Variants in PLEC observed in about 807,000 individuals in gnomAD.
PLEC encodes plectin, also known as hemidesmosomal protein 1.
PLEC carries 216 observed loss-of-function variants against 392.8 expected under a neutral mutation model. The observed-to-expected ratio is 0.55, with a 90% CI of 0.49 to 0.62. The LOEUF (loss-of-function observed/expected upper bound fraction) is 0.62. PLEC is among the 20% of genes least tolerant of loss of function. The pLI, the probability that PLEC is intolerant of heterozygous loss-of-function variation, is 0.00. For missense variants in PLEC, 6,863 were observed against 6,563.4 expected, an observed-to-expected ratio of 1.05 and a Z score of -1.58; for synonymous variants, 3,621 against 2,980.6, an observed-to-expected ratio of 1.21 and a Z score of -7.00.
chr8:143,920,320 G>A lies in PLEC; in HGVS notation c.9501C>T (p.Thr3167=). 2 of 1,592,434 alleles carry A rather than the reference G, an allele frequency of 1.3e-6. No individual in the cohort carries two copies. Among genetic ancestry groups the A allele is most frequent in the Non-Finnish European group, 1.7e-6 (2 of 1,175,080 alleles). ...ACARGCLDEE[T]SRALSAPRAD... ...CCCTTGGTGCCGACAGGGCCCTGCT[G>A]GTCTCCTCATCCAGGCAGCCTCGGG... Residue 3167 remains threonine, a synonymous_variant, in exon 32 of 32, where the codon ACC becomes ACT. Transcript: ENST00000345136.
rs782126699 is a variant in PLEC at position 143,923,624 on chromosome 8, C to T, written c.6305G>A (p.Arg2102His). ...CTGCCGCCGGGACTGCGCCGCCTCA[C>T]GCTCCGCCTGCACCCGGGCCTCCTC... ...EAEEARVQAE[R>H]EAAQSRRQVE... Residue 2102 changes from arginine to histidine, a missense_variant, in exon 31 of 32, where the codon CGT becomes CAT. Arg to His is a conservative substitution (Grantham distance 29). Transcript: ENST00000345136. 114 of 1,588,566 alleles carry T rather than the reference C, an allele frequency of 7.2e-5. No homozygotes were observed. Among genetic ancestry groups the T allele is most frequent in the Non-Finnish European group, 8.9e-5 (105 of 1,174,920 alleles).
intron 1 of PLEC, chr8:143,946,226 T>G (rs1831448950): frequency 3.2e-6 from 2 of 626,266 alleles, no homozygotes; most frequent in Non-Finnish European, 4.9e-6. Flanking sequence ...GAGGGGGCTG[T>G]GCCTATCCCT....
chr8:143,972,832 G>A (rs1432395689), intron 1 of PLEC, among the ~76,000 whole-genome samples: 1 of 152,174 alleles, frequency 6.6e-6, no homozygotes, highest in Non-Finnish European at 1.5e-5. Context: ...AGGTGGGCAG[G>A]CCACTCTGAT....
intron 1 of PLEC, among the ~76,000 whole-genome samples, chr8:143,971,057 G>C (rs1390042898): frequency 2.6e-5 from 4 of 152,238 alleles, no homozygotes; most frequent in African/African-American, 9.6e-5. Context: ...GTTCCAAGCG[G>C]AGCAGTGGCC....
chr8:143,946,852 CCTT>C (rs566854523), intron 1 of PLEC, among the ~76,000 whole-genome samples: 16 of 151,646 alleles, frequency 1.1e-4, no homozygotes, highest in African/African-American at 3.6e-4. Context: ...ACACCCCACT[CCTT>C]GAGACTCACA....
rs565993927 is a variant in PLEC, at chr8:143,933,072, G to C, written c.1458C>G (p.Thr486=). The C allele has an allele frequency of 1.3e-6, 2 of 1,589,890 alleles. No individual in the cohort carries two copies. The highest frequency in any genetic ancestry group is 1.7e-6 in the Non-Finnish European group (2 of 1,170,124). Residue 486 remains threonine (T), a synonymous_variant, in exon 14 of 32, where the codon ACC becomes ACG. Coordinates refer to ENST00000345136, the MANE Select transcript of PLEC (RefSeq NM_201384.3). ...RLHERLVAIR[T]EYNLRLKAGV... is the part of the protein sequence containing the mutation. ...CTGCCTTCAGCCGTAGGTTGTACTC[G>C]GTGCGGATGGCTACCAGGCGCTCGT... is the stretch of plus-strand genomic sequence containing the variant.
chr8:143,922,308 G>A lies in PLEC; in HGVS notation c.7513C>T (p.Arg2505Trp), dbSNP rs782284017. The A allele has an allele frequency of 1.2e-5, 19 of 1,607,328 alleles. No homozygotes were observed. Among genetic ancestry groups the A allele is most frequent in the East Asian group, 2.2e-5 (1 of 44,884 alleles). Residue 2505 changes from arginine (R) to tryptophan (W), a missense_variant, in exon 32 of 32, where the codon CGG becomes TGG. Transcript: ENST00000345136. ...FLSEKDSLLQ[R>W]ERFIEQEKAK... Reference sequence around the variant, plus strand: ...TTCTCCTGCTCGATGAAGCGCTCCCGCTGTAGCAGGCTGTCCTTTTCAGAG... The same window carrying A: ...TTCTCCTGCTCGATGAAGCGCTCCCACTGTAGCAGGCTGTCCTTTTCAGAG...
Position 143,919,723 on chromosome 8 carries a change from C to T in PLEC, c.10098G>A (p.Lys3366=), listed in dbSNP as rs1554679261. Residue 3366 remains lysine, a synonymous_variant, in exon 32 of 32, where the codon AAG becomes AAA. Transcript: ENST00000345136. Reference sequence around the variant, plus strand: ...TGGCCTCGTAGATGGACACCTTCTCCTTGGTGTCCTCCAGGTAGATGCCGG... The same window carrying T: ...TGGCCTCGTAGATGGACACCTTCTCTTTGGTGTCCTCCAGGTAGATGCCGG... ...CLAGIYLEDT[K]EKVSIYEAMR... The T allele has an allele frequency of 6.2e-7, 1 of 1,606,796 alleles. No homozygotes were observed. Among genetic ancestry groups the T allele is most frequent in the South Asian group, 1.1e-5 (1 of 90,990 alleles).
intron 1 of PLEC, chr8:143,946,329 C>T (rs1554732185): frequency 1.6e-6 from 2 of 1,288,240 alleles, no homozygotes; most frequent in East Asian, 5.6e-5. Context: ...CTCCCACAGC[C>T]CCCAGCTCTG....
At chr8:143,954,840 A>G (rs1235328182), upstream of PLEC, among the ~76,000 whole-genome samples, 1 of 152,140 alleles carries the variant, frequency 6.6e-6, no homozygotes, top group African/African-American at 2.4e-5. This position sits in a 1 kb window ranked among gnomAD's most constrained non-coding sequence, Gnocchi z 4.6. Context: ...CAGCCTCCAC[A>G]AGATAGAAGT....
upstream of PLEC, among the ~76,000 whole-genome samples, chr8:143,955,341 C>T (rs1235416280): frequency 6.6e-6 from 1 of 152,094 alleles, no homozygotes; most frequent in Non-Finnish European, 1.5e-5. Flanking sequence ...ATCAGCCAGG[C>T]ATGGTGTCAC....
rs1474948089 is a variant in PLEC at position 143,916,003 on chromosome 8, C to G, written c.*174G>C. 3 of 523,370 alleles carry G rather than the reference C, an allele frequency of 5.7e-6. No homozygotes were observed. Among genetic ancestry groups the G allele is most frequent in the Non-Finnish European group, 9.9e-6 (3 of 303,248 alleles). The allele number at this position is 523,370 out of a possible 1,614,324, so 32.4% of individuals were successfully genotyped here. On this transcript the variant is annotated 3_prime_UTR_variant, in exon 32 of 32. Transcript: ENST00000345136. Reference sequence around the variant, plus strand: ...AGCAGGGCTGGGCCAGCCCTGTCCCCCAAGATACAGGCTGTCTGGACAGCA... The same window carrying G: ...AGCAGGGCTGGGCCAGCCCTGTCCCGCAAGATACAGGCTGTCTGGACAGCA...
In PLEC at chr8:143,920,537, A is replaced by G. The variant is rs1554682144; in HGVS notation, c.9284T>C (p.Leu3095Pro). 1 of 1,611,542 alleles carries G rather than the reference A, an allele frequency of 6.2e-7. No individual in the cohort carries two copies. Among genetic ancestry groups the G allele is most frequent in the South Asian group, 1.1e-5 (1 of 91,036 alleles). The change falls in exon 32 of 32, where the codon CTG becomes CCG. Residue 3095 changes from leucine to proline, a missense_variant. By Grantham distance (98) the Leu-to-Pro change is moderately conservative (BLOSUM62 -3). Transcript: ENST00000345136. ...TGTCACAGCCTTCTCGGCTGATAGC[A>G]GCTTCTCATGAAACTCGGGGCCCAC... ...GLVGPEFHEK[L>P]LSAEKAVTGY... is the part of the protein sequence containing the mutation.
At chr8:143,968,004 T>C (rs956699797) in intron 1 of PLEC, among the ~76,000 whole-genome samples, 2 of 151,610 alleles carry the variant, frequency 1.3e-5, no homozygotes, top group Non-Finnish European at 2.9e-5. Context: ...GGCGCACACA[T>C]GTAATCCCAG....
At chr8:143,960,115 T>C (rs1418770699) in intron 1 of PLEC, among the ~76,000 whole-genome samples, 9 of 151,962 alleles carry the variant, frequency 5.9e-5, no homozygotes, top group Middle Eastern at 3.4e-3. Flanking sequence ...AAACCCTGTC[T>C]CTACTAAAAA....
exon 1 of PLEC, chr8:143,950,367 G>A (rs782409596): frequency 1.9e-6 from 3 of 1,591,918 alleles, no homozygotes; most frequent in Non-Finnish European, 2.6e-6. Context: ...TGCACGTGGG[G>A]GGTGCGGCGT....
intron 1 of PLEC, chr8:143,944,813 G>T: frequency 1.3e-6 from 1 of 796,188 alleles, no homozygotes; most frequent in Non-Finnish European, 1.8e-6. Context: ...GCTTGTGGGG[G>T]AGGGGAGCAG....
intron 1 of PLEC, chr8:143,944,644 C>A: frequency 7.4e-7 from 1 of 1,347,680 alleles, no homozygotes; most frequent in Admixed American, 3.0e-5. Context: ...GGCTGCCCAC[C>A]TACCGGGCAC....
exon 1 of PLEC, chr8:143,950,449 C>G (rs1237091707): frequency 6.2e-7 from 1 of 1,604,446 alleles, no homozygotes; most frequent in Non-Finnish European, 8.5e-7. Flanking sequence ...GCGGCAGGTG[C>G]AGGTACTGGC....
Sources: allele counts gnomAD v4.1 joint callset (sites outside exome capture counted in the v4.1 genomes callset), GRCh38; gene constraint gnomAD v4.1.1; non-coding constraint Gnocchi (gnomAD v3.1); transcripts MANE v1.5; gene names NCBI Gene and HGNC (gene_info 2026-07-23, HGNC 2026-07-21).